Variants in SECTM1 observed in about 807,000 individuals in gnomAD.
SECTM1 encodes secreted and transmembrane 1.
SECTM1 carries 10 observed loss-of-function variants against 18.1 expected under a neutral mutation model. That is an observed-to-expected ratio of 0.55 (90% CI 0.34 to 0.94). The LOEUF is 0.94. Ranked by LOEUF, SECTM1 falls within the 40% of genes least tolerant of loss-of-function variation. The probability of loss-of-function intolerance (pLI) is 0.02; values close to 1 mark genes in which losing one functional copy is unlikely to be tolerated. For missense variants in SECTM1, 297 were observed against 322.6 expected (o/e 0.92, Z 0.61); for synonymous variants, 137 against 139.2 (o/e 0.98, Z 0.11).
Position 82,324,722 on chromosome 17 carries a change from C to A in SECTM1, c.263G>T (p.Arg88Leu). 3 of 1,614,160 alleles carry A rather than the reference C, an allele frequency of 1.9e-6. No individual in the cohort carries two copies. Among genetic ancestry groups the A allele is most frequent in the Non-Finnish European group, 2.5e-6 (3 of 1,180,028 alleles). ...CTGAACCTGGAGCTGCCAGCCGTCC[C>A]GGGAGAAGTAGCCTGGAGCCACCTC... is the stretch of plus-strand genomic sequence containing the variant. ...FNEVAPGYFS[R>L]DGWQLQVQGG... The change falls in exon 3 of 5, where the codon CGG (arginine) becomes CTG (leucine). Residue 88 changes from arginine to leucine, a missense_variant. Physicochemically the swap from Arg to Leu is moderately radical, Grantham distance 102. Coordinates refer to ENST00000269389, the MANE Select transcript of SECTM1 (RefSeq NM_003004.3).
chr17:82,325,645 C>T lies in SECTM1; in HGVS notation c.95-755G>A, dbSNP rs563869034. ...GGGTGAACCCTGCCCCATAGCGACC[C>T]GTGCAGCTGCTTCCCTCAGAGGGTC... is the stretch of plus-strand genomic sequence containing the variant. On this transcript the variant is annotated intron_variant, in intron 2 of 4. Transcript: ENST00000269389. The surrounding 1 kb of genome is among the most constrained non-coding windows in gnomAD (Gnocchi z 7.6). Among the ~76,000 whole-genome samples, 5 of 152,368 alleles carry T rather than the reference C, an allele frequency of 3.3e-5. No individual in the cohort carries two copies. The highest frequency in any genetic ancestry group is 2.1e-4 in the South Asian group (1 of 4,830).
In SECTM1 at chr17:82,330,038, G is replaced by A. The variant is rs866737546; in HGVS notation, c.-52-2746C>T. ...ACAGAACCCCCACCCCCAGTGCGGT[G>A]GGAGACCCAGGCCACCTGCAGACCC... On this transcript the variant is annotated intron_variant, in intron 1 of 4. Transcript: ENST00000269389. The surrounding 1 kb of genome is among the most constrained non-coding windows in gnomAD (Gnocchi z 6.1). 6.6e-6 allele frequency among the ~76,000 whole-genome samples: 1 copy of A among 152,172 alleles called. No individual in the cohort carries two copies. The highest frequency in any genetic ancestry group is 2.4e-5 in the African/African-American group (1 of 41,434).
At chr17:82,323,147 GC>G in intron 3 of SECTM1, 136 bp from the exon 4 acceptor site, 3 of 1,069,662 alleles carry the variant, frequency 2.8e-6, no homozygotes, top group Non-Finnish European at 4.0e-6. Flanking sequence ...CACCGCCGTT[GC>G]CCAGGAGGTA....
rs1055505383 is a variant in SECTM1 at position 82,321,871 on chromosome 17, G to A, written c.*290C>T. On this transcript the variant is annotated 3_prime_UTR_variant, in exon 5 of 5. Coordinates refer to ENST00000269389, the MANE Select transcript of SECTM1 (RefSeq NM_003004.3). ...ACCAGCCTGGGGTGGCAGAAAGGGA[G>A]TCCGGGTCTGTGGGTTTGATGAGGG... 6.2e-5 allele frequency: 26 copies of A among 419,928 alleles called. No homozygotes were observed. Among genetic ancestry groups the A allele is most frequent in the Middle Eastern group, 6.6e-4 (1 of 1,518 alleles). The allele number at this position is 419,928 out of a possible 1,614,324, so 26.0% of individuals were successfully genotyped here. A position where few individuals can be genotyped will look rare whatever the true frequency, so the allele number is the denominator to read the frequency against.
rs1383522832 is a variant in SECTM1, at chr17:82,326,636, A to AGAAAAGAAAT, written c.94+510_94+511insATTTCTTTTC. Among the ~76,000 whole-genome samples, 3 of 151,196 alleles carry AGAAAAGAAAT rather than the reference A, an allele frequency of 2.0e-5. No homozygotes were observed. Among genetic ancestry groups the AGAAAAGAAAT allele is most frequent in the Non-Finnish European group, 4.4e-5 (3 of 67,722 alleles). ...CAAAAAAAAAAGATAAGAAAAGAAA[A>AGAAAAGAAAT]GCCCCTCAGGTCACTTTGCTGACAG... is the stretch of plus-strand genomic sequence containing the variant. On this transcript the variant is annotated intron_variant, in intron 2 of 4. Coordinates refer to ENST00000269389, the MANE Select transcript of SECTM1 (RefSeq NM_003004.3). This position sits in a 1 kb window ranked among gnomAD's most constrained non-coding sequence, Gnocchi z 4.3.
chr17:82,331,686 A>G (rs946249667), intron 1 of SECTM1, among the ~76,000 whole-genome samples: 1 of 152,252 alleles, frequency 6.6e-6, no homozygotes, highest in African/African-American at 2.4e-5. Context: ...GTTGAATGCC[A>G]CGCAGTGGCT....
chr17:82,322,325 T>C lies in SECTM1; in HGVS notation c.583A>G (p.Arg195Gly). 5.0e-6 allele frequency: 8 copies of C among 1,613,628 alleles called. No homozygotes were observed. The highest frequency in any genetic ancestry group is 6.8e-6 in the Non-Finnish European group (8 of 1,179,726). ...LEPQMKVAALRAGAQQGLSRA... is the reference protein window; with the variant it reads ...LEPQMKVAALGAGAQQGLSRA... ...CTCAGGCCCTGCTGGGCTCCCGCTC[T>C]GAGGGCTGCGACCTTCATCTGGGGT... The change falls in exon 5 of 5, where the codon AGA (arginine) becomes GGA (glycine). Residue 195 changes from arginine to glycine, a missense_variant. Coordinates refer to ENST00000269389, the MANE Select transcript of SECTM1 (RefSeq NM_003004.3).
rs1599653909 is a variant in SECTM1 at position 82,325,646 on chromosome 17, G to A, written c.95-756C>T. On this transcript the variant is annotated intron_variant, in intron 2 of 4. Transcript: ENST00000269389. This position sits in a 1 kb window ranked among gnomAD's most constrained non-coding sequence, Gnocchi z 7.6. ...GGTGAACCCTGCCCCATAGCGACCC[G>A]TGCAGCTGCTTCCCTCAGAGGGTCT... Among the ~76,000 whole-genome samples, 3 of 152,304 alleles carry A rather than the reference G, an allele frequency of 2.0e-5. No homozygotes were observed. The highest frequency in any genetic ancestry group is 4.1e-4 in the South Asian group (2 of 4,828).
Position 82,329,184 on chromosome 17 carries a change from C to G in SECTM1, c.-52-1892G>C, listed in dbSNP as rs937162781. The G allele has an allele frequency of 6.6e-6, 1 of 152,482 alleles. No homozygotes were observed. The highest frequency in any genetic ancestry group is 2.4e-5 in the African/African-American group (1 of 41,440). The allele number at this position is 152,482 out of a possible 1,614,324, so 9.4% of individuals were successfully genotyped here. ...CCATTGCCCCAAGCGCTCCAACCCC[C>G]TGTGAACATGCCTCTAGTCATCCCT... On this transcript the variant is annotated intron_variant, in intron 1 of 4. Coordinates refer to ENST00000269389, the MANE Select transcript of SECTM1 (RefSeq NM_003004.3). The surrounding 1 kb of genome is among the most constrained non-coding windows in gnomAD (Gnocchi z 7.6).
Position 82,322,843 on chromosome 17 carries a change from C to A in SECTM1, c.537+35G>T, listed in dbSNP as rs142301429. The A allele has an allele frequency of 2.3e-5, 37 of 1,610,500 alleles. No individual in the cohort carries two copies. In the East Asian group the frequency reaches 6.7e-4, roughly 29 times the overall value. On this transcript the variant is annotated intron_variant, in intron 4 of 4. Transcript: ENST00000269389. ...CTGGGGCAGCCCCACCCAAGACTCCCCACCCCGCACAAACTGGGGTGCAGG... is the reference window on the plus strand; with the variant it reads ...CTGGGGCAGCCCCACCCAAGACTCCACACCCCGCACAAACTGGGGTGCAGG...
chr17:82,331,421 G>A (rs1480337458), intron 1 of SECTM1, among the ~76,000 whole-genome samples: 2 of 152,164 alleles, frequency 1.3e-5, no homozygotes, highest in Non-Finnish European at 2.9e-5. Context: ...AGAAGAAAAC[G>A]CACCCTGGCA....
chr17:82,324,666 C>T lies in SECTM1; in HGVS notation c.319G>A (p.Ala107Thr), dbSNP rs569566604. Residue 107 changes from alanine to threonine, a missense_variant, in exon 3 of 5, where the codon GCC becomes ACC. By Grantham distance (58) the Ala-to-Thr change is moderately conservative. Coordinates refer to ENST00000269389, the MANE Select transcript of SECTM1 (RefSeq NM_003004.3). ...GGVAQLVIKGARDSHAGLYMW... is the reference protein window; with the variant it reads ...GGVAQLVIKGTRDSHAGLYMW... Reference sequence around the variant, plus strand: ...TACAGCCCAGCATGGGAGTCCCGGGCGCCTTTGATCACCAGCTGTGCCACG... The same window carrying T: ...TACAGCCCAGCATGGGAGTCCCGGGTGCCTTTGATCACCAGCTGTGCCACG... The T allele has an allele frequency of 6.8e-6, 11 of 1,614,018 alleles. No individual in the cohort carries two copies. The highest frequency in any genetic ancestry group is 6.7e-5 in the East Asian group (3 of 44,874).
At chr17:82,324,360 C>T (rs1260675539) in intron 3 of SECTM1, among the ~76,000 whole-genome samples, 1 of 152,016 alleles carries the variant, frequency 6.6e-6, no homozygotes, top group East Asian at 1.9e-4. Flanking sequence ...GAGCCTCCTG[C>T]CTGACCCCTG....
intron 1 of SECTM1, among the ~76,000 whole-genome samples, chr17:82,331,540 C>T (rs1276423266): frequency 6.6e-6 from 1 of 152,242 alleles, no homozygotes; most frequent in Non-Finnish European, 1.5e-5. Flanking sequence ...TCGGGACACA[C>T]TTATATTAAA....
chr17:82,332,508 G>A (rs1026435302), intron 1 of SECTM1, among the ~76,000 whole-genome samples: 1 of 152,170 alleles, frequency 6.6e-6, no homozygotes, highest in Non-Finnish European at 1.5e-5. Context: ...AGCACCTGAG[G>A]GGTGGCTGAC....
Position 82,328,944 on chromosome 17 carries a change from T to C in SECTM1, c.-52-1652A>G, listed in dbSNP as rs1045161426. Among the ~76,000 whole-genome samples, 1 of 152,206 alleles carries C rather than the reference T, an allele frequency of 6.6e-6. No homozygotes were observed. The highest frequency in any genetic ancestry group is 1.5e-5 in the Non-Finnish European group (1 of 68,016). On this transcript the variant is annotated intron_variant, in intron 1 of 4. Transcript: ENST00000269389. This position sits in a 1 kb window ranked among gnomAD's most constrained non-coding sequence, Gnocchi z 5.8. ...GCAGATGACCTGCAGGGAACTCCCA[T>C]GAGGGAACTCTGTAAAGCGACCTTC... is the stretch of plus-strand genomic sequence containing the variant.
rs1337870412 is a variant in SECTM1 at position 82,326,885 on chromosome 17, T to C, written c.94+262A>G. Among the ~76,000 whole-genome samples the C allele has an allele frequency of 7.4e-6, 1 of 134,874 alleles. No individual in the cohort carries two copies. The highest frequency in any genetic ancestry group is 1.6e-5 in the Non-Finnish European group (1 of 61,934). 88.5% of individuals were successfully genotyped at this position (134,874 alleles called of 152,430 possible). ...AATTGCTCTGACAGTGACCACCAGGTACCACAGCGGGCACCACCGCCCTCC... is the reference window on the plus strand; with the variant it reads ...AATTGCTCTGACAGTGACCACCAGGCACCACAGCGGGCACCACCGCCCTCC... On this transcript the variant is annotated intron_variant, in intron 2 of 4. Coordinates refer to ENST00000269389, the MANE Select transcript of SECTM1 (RefSeq NM_003004.3). The surrounding 1 kb of genome is among the most constrained non-coding windows in gnomAD (Gnocchi z 4.3).
chr17:82,333,455 A>T (rs2052208885), intron 1 of SECTM1, among the ~76,000 whole-genome samples: 1 of 151,628 alleles, frequency 6.6e-6, no homozygotes, highest in Non-Finnish European at 1.5e-5. Flanking sequence ...CTGGCCTGCG[A>T]CGCACGCTCA....
At chr17:82,333,675 C>T (rs553703889) in intron 1 of SECTM1, 25 bp downstream of exon 1, 2 of 140,330 alleles carry the variant, frequency 1.4e-5, no homozygotes, top group Non-Finnish European at 3.1e-5. Context: ...TCTGGTTCCC[C>T]CGCCCGCCCC....
Sources: allele counts gnomAD v4.1 joint callset (sites outside exome capture counted in the v4.1 genomes callset), GRCh38; gene constraint gnomAD v4.1.1; non-coding constraint Gnocchi (gnomAD v3.1); transcripts MANE v1.5; gene names NCBI Gene and HGNC (gene_info 2026-07-23, HGNC 2026-07-21).